Variants in CCDC60 observed in about 807,000 individuals in gnomAD.
CCDC60 encodes coiled-coil domain-containing protein 60.
CCDC60 carries 54 observed loss-of-function variants against 63.5 expected under a neutral mutation model. That is an observed-to-expected ratio of 0.85 (90% CI 0.68 to 1.07). The LOEUF (loss-of-function observed/expected upper bound fraction) is 1.07. CCDC60 is among the 50% of genes least tolerant of loss of function. The probability of loss-of-function intolerance (pLI) is 0.00; values close to 1 mark genes in which losing one functional copy is unlikely to be tolerated. For synonymous variants in CCDC60, 206 were observed against 238.8 expected (o/e 0.86, Z 1.27); for missense variants, 651 against 684.3 (o/e 0.95, Z 0.54).
intron 2 of CCDC60, among the ~76,000 whole-genome samples, chr12:119,437,444 T>C (rs992804912): frequency 6.6e-6 from 1 of 152,172 alleles, no homozygotes; most frequent in African/African-American, 2.4e-5. Flanking sequence ...TTTAATTTCT[T>C]TGTCATCTCC....
chr12:119,532,858 A>C (rs761135990), intron 13 of CCDC60, among the ~76,000 whole-genome samples: 1 of 152,130 alleles, frequency 6.6e-6, no homozygotes, highest in Non-Finnish European at 1.5e-5. Context: ...TGCTATTGTG[A>C]ATAGTGCTGC....
chr12:119,372,433 T>C (rs754777250), intron 1 of CCDC60, among the ~76,000 whole-genome samples: 5 of 152,298 alleles, frequency 3.3e-5, no homozygotes, highest in Admixed American at 6.5e-5. Context: ...TTAGAGCTGA[T>C]GTATAGAACC....
At chr12:119,475,173 A>G (rs1346854262) in intron 3 of CCDC60, among the ~76,000 whole-genome samples, 1 of 152,238 alleles carries the variant, frequency 6.6e-6, no homozygotes, top group Non-Finnish European at 1.5e-5. Context: ...CTAGTGACAG[A>G]CTGGCAGCCT....
At chr12:119,400,603 A>G (rs1391533380) in intron 1 of CCDC60, among the ~76,000 whole-genome samples, 1 of 152,236 alleles carries the variant, frequency 6.6e-6, no homozygotes, top group Non-Finnish European at 1.5e-5. Context: ...GGTTTAATCC[A>G]GTGGTTCTCA....
intron 1 of CCDC60, among the ~76,000 whole-genome samples, chr12:119,346,073 C>T (rs1955590047): frequency 6.6e-6 from 1 of 151,204 alleles, no homozygotes; most frequent in African/African-American, 2.4e-5. Context: ...GATCTACCCA[C>T]CTCGGCCTCC....
At chr12:119,539,271 C>T (rs1450663796) in intron 13 of CCDC60, among the ~76,000 whole-genome samples, 1 of 152,220 alleles carries the variant, frequency 6.6e-6, no homozygotes, top group Non-Finnish European at 1.5e-5. Flanking sequence ...ATGTTTAAGT[C>T]TGCTGAAGCT....
chr12:119,407,360 A>G (rs1956512839), intron 1 of CCDC60, among the ~76,000 whole-genome samples: 1 of 151,984 alleles, frequency 6.6e-6, no homozygotes, highest in African/African-American at 2.4e-5. Flanking sequence ...AAAGAAAAGA[A>G]AAGAAAAGAA....
Position 119,428,771 on chromosome 12 carries a change from G to T in CCDC60, c.170+9G>T, listed in dbSNP as rs1316079010. The T allele has an allele frequency of 1.2e-5, 19 of 1,564,374 alleles. No homozygotes were observed. Among genetic ancestry groups the T allele is most frequent in the African/African-American group, 5.4e-5 (4 of 74,210 alleles). On this transcript the variant is annotated intron_variant, in intron 2 of 13. Coordinates refer to ENST00000327554, the MANE Select transcript of CCDC60 (RefSeq NM_178499.5). ...GACCTTATACGAAGCCGGTGAGTGAGCCCAGCAGGGAATGATCCATAGACA... is the reference window on the plus strand; with the variant it reads ...GACCTTATACGAAGCCGGTGAGTGATCCCAGCAGGGAATGATCCATAGACA...
intron 11 of CCDC60, 80 bp from the exon 12 acceptor site, chr12:119,528,535 T>G: frequency 6.1e-6 from 9 of 1,475,924 alleles, no homozygotes; most frequent in African/African-American, 1.4e-5. Context: ...GGTGTTTAAG[T>G]CAGATCTCAA....
intron 2 of CCDC60, among the ~76,000 whole-genome samples, chr12:119,467,459 A>G (rs990512101): frequency 6.6e-6 from 1 of 152,206 alleles, no homozygotes; most frequent in Non-Finnish European, 1.5e-5. Context: ...GAATGCGATT[A>G]GTGCCCCTAT....
At chr12:119,446,029 A>T (rs573303510) in intron 2 of CCDC60, among the ~76,000 whole-genome samples, 1 of 152,276 alleles carries the variant, frequency 6.6e-6, no homozygotes, top group South Asian at 2.1e-4. Flanking sequence ...TAAAGAACTT[A>T]CTCATGTAAC....
rs547122524 is a variant in CCDC60 at position 119,385,413 on chromosome 12, G to T, written c.91-43270G>T. On this transcript the variant is annotated intron_variant, in intron 1 of 13. Coordinates refer to ENST00000327554, the MANE Select transcript of CCDC60 (RefSeq NM_178499.5). The stretch of plus-strand genomic sequence containing the variant: ...TTGATGGAAGATAATTGAATCATGG[G>T]GGCAGTTTCCCCCGTACTGTTATTG... Among the ~76,000 whole-genome samples the T allele has an allele frequency of 5.9e-5, 9 of 152,208 alleles. No homozygotes were observed. In the South Asian group the frequency reaches 1.9e-3, roughly 32 times the overall value.
At chr12:119,500,784 T>C (rs1480904767) in intron 6 of CCDC60, among the ~76,000 whole-genome samples, 1 of 152,120 alleles carries the variant, frequency 6.6e-6, no homozygotes, top group Non-Finnish European at 1.5e-5. Flanking sequence ...AGCCCAGGAA[T>C]TGGAGGCTGC....
At chr12:119,397,148 C>G (rs1398255727) in intron 1 of CCDC60, among the ~76,000 whole-genome samples, 3 of 152,204 alleles carry the variant, frequency 2.0e-5, no homozygotes, top group Admixed American at 2.0e-4. Context: ...AGGAGTGAAG[C>G]TGCAGACCTT....
Position 119,335,265 on chromosome 12 carries a change from A to G in CCDC60, c.89A>G (p.Gln30Arg). The G allele has an allele frequency of 1.9e-6, 3 of 1,595,258 alleles. No individual in the cohort carries two copies. The highest frequency in any genetic ancestry group is 2.6e-6 in the Non-Finnish European group (3 of 1,171,324). ...RPFYASENLR[Q>R]VPDKPMKSIK... is the part of the protein sequence containing the mutation. ...TTTTATGCCTCGGAGAACCTAAGGCAGGTAAGTCTCCCCTCTGCTGAAACC... is the reference window on the plus strand; with the variant it reads ...TTTTATGCCTCGGAGAACCTAAGGCGGGTAAGTCTCCCCTCTGCTGAAACC... The change falls in exon 1 of 14, where the codon CAG becomes CGG. Residue 30 changes from glutamine to arginine, a missense_variant and splice_region_variant. Transcript: ENST00000327554.
intron 13 of CCDC60, among the ~76,000 whole-genome samples, chr12:119,537,280 C>T (rs1337566822): frequency 6.6e-6 from 1 of 152,196 alleles, no homozygotes; most frequent in Non-Finnish European, 1.5e-5. Context: ...AAGGTCTTCT[C>T]TTCACTGTTT....
At chr12:119,461,174 T>A (rs540363148) in intron 2 of CCDC60, among the ~76,000 whole-genome samples, 1 of 152,300 alleles carries the variant, frequency 6.6e-6, no homozygotes, top group South Asian at 2.1e-4. Context: ...AAGCTGACGA[T>A]AACAACCGCT....
intron 1 of CCDC60, among the ~76,000 whole-genome samples, chr12:119,408,558 T>A (rs1956535071): frequency 6.6e-6 from 1 of 152,336 alleles, no homozygotes; most frequent in African/African-American, 2.4e-5. Flanking sequence ...GCGCAGTGGC[T>A]CACACCTGTA....
At chr12:119,385,503 C>T (rs1016519653) in intron 1 of CCDC60, among the ~76,000 whole-genome samples, 8 of 152,218 alleles carry the variant, frequency 5.3e-5, no homozygotes, top group East Asian at 1.9e-4. Flanking sequence ...TCACTTGGCT[C>T]GCATTCTTTC....
Sources: allele counts gnomAD v4.1 joint callset (sites outside exome capture counted in the v4.1 genomes callset), GRCh38; gene constraint gnomAD v4.1.1; transcripts MANE v1.5; gene names NCBI Gene and HGNC (gene_info 2026-07-23, HGNC 2026-07-21).